CBR4: variants seen among roughly 807,000 people sequenced by gnomAD.
The protein encoded by CBR4 is 3-oxoacyl-[acyl-carrier-protein] reductase.
CBR4 carries 22 observed loss-of-function variants against 21.0 expected under a neutral mutation model. The ratio of observed to expected loss-of-function variants is 1.05; its 90% CI spans 0.75 to 1.50. The LOEUF is 1.50. CBR4 is among the 40% of genes most tolerant of loss of function. The pLI, the probability that CBR4 is intolerant of heterozygous loss-of-function variation, is 0.00. For missense variants in CBR4, 302 were observed against 286.3 expected, an observed-to-expected ratio of 1.05 and a Z score of -0.40; for synonymous variants, 100 against 104.4, an observed-to-expected ratio of 0.96 and a Z score of 0.26.
chr4:168,914,601 T>TG (rs1759723767), intron 2 of CBR4, among the ~76,000 whole-genome samples: 2 of 151,920 alleles, frequency 1.3e-5, no homozygotes, highest in African/African-American at 4.9e-5. Context: ...GATGGAACAA[T>TG]GGTAGGCAGA....
rs1231680619 is a variant in CBR4, at chr4:169,009,985, G to C, written c.105C>G (p.Asn35Lys). 1 of 1,613,334 alleles carries C rather than the reference G, an allele frequency of 6.2e-7. No individual in the cohort carries two copies. Among genetic ancestry groups the C allele is most frequent in the African/African-American group, 1.3e-5 (1 of 75,032 alleles). The change falls in exon 1 of 5, where the codon AAC (asparagine) becomes AAG (lysine). Residue 35 changes from asparagine (N) to lysine (K), a missense_variant. Physicochemically the swap from Asn to Lys is moderately conservative, Grantham distance 94. Coordinates refer to ENST00000306193, the MANE Select transcript of CBR4 (RefSeq NM_032783.5). ...CGGCGGCGGCTTTGGCCCCTTCCAG[G>C]TTTCTGGCAATGACCGCCAGTCGGT... is the stretch of plus-strand genomic sequence containing the variant. ...KGYRLAVIAR[N>K]LEGAKAAAGD...
intron 2 of CBR4, among the ~76,000 whole-genome samples, chr4:168,944,808 T>C (rs549637420): frequency 6.6e-6 from 1 of 152,158 alleles, no homozygotes; most frequent in Admixed American, 6.5e-5. Flanking sequence ...TTTATATTCC[T>C]ATGTGGTCTA....
At chr4:168,972,097 A>C (rs533290356) in intron 2 of CBR4, among the ~76,000 whole-genome samples, 1 of 152,268 alleles carries the variant, frequency 6.6e-6, no homozygotes, top group South Asian at 2.1e-4. Context: ...TCAGTTGGCT[A>C]TTAAGTATCT....
At position 168,988,345 on chromosome 4, in the gene CBR4, A is replaced by C. The variant is rs2126799784; in HGVS notation, c.*1805T>G. ...ATAAAAACATACACTTAAAGGCTAAACCTATCTATAACCTACATCTTAATG... is the reference window on the plus strand; with the variant it reads ...ATAAAAACATACACTTAAAGGCTAACCCTATCTATAACCTACATCTTAATG... On this transcript the variant is annotated 3_prime_UTR_variant, in exon 5 of 5. Coordinates refer to ENST00000306193, the MANE Select transcript of CBR4 (RefSeq NM_032783.5). 1 of 985,364 alleles carries C rather than the reference A, an allele frequency of 1.0e-6. No individual in the cohort carries two copies. Among genetic ancestry groups the C allele is most frequent in the South Asian group, 4.7e-5 (1 of 21,290 alleles). The allele number at this position is 985,364 out of a possible 1,614,324, so 61.0% of individuals were successfully genotyped here.
chr4:168,898,018 GTACCATTTTTTCTAT>G (rs1231001352), intron 2 of CBR4: 1 of 150,510 alleles, frequency 6.6e-6, no homozygotes, highest in African/African-American at 2.5e-5. Context: ...ATTTTTTCTA[GTACCATTTTTTCTAT>G]TATTCTTTTA....
At chr4:168,919,730 A>AT (rs921111735) in intron 2 of CBR4, among the ~76,000 whole-genome samples, 2 of 152,186 alleles carry the variant, frequency 1.3e-5, no homozygotes, top group African/African-American at 4.8e-5. Flanking sequence ...AACTGGTACT[A>AT]AATTTTCAGG....
intron 4 of CBR4, among the ~76,000 whole-genome samples, chr4:168,994,142 T>C (rs545453039): frequency 7.9e-4 from 121 of 152,214 alleles, no homozygotes; most frequent in Non-Finnish European, 1.5e-3. Flanking sequence ...AAGCCAGTGA[T>C]AAGCATTCTT....
At chr4:168,928,033 G>C (rs555919546) in intron 2 of CBR4, 14 of 195,566 alleles carry the variant, frequency 7.2e-5, no homozygotes, top group Admixed American at 6.1e-4. Flanking sequence ...CACATGTACA[G>C]CTTTCTACTT....
intron 2 of CBR4, among the ~76,000 whole-genome samples, chr4:168,950,943 C>T (rs993105801): frequency 2.6e-5 from 4 of 152,134 alleles, no homozygotes; most frequent in Non-Finnish European, 5.9e-5. Flanking sequence ...GCATGAAATG[C>T]CTTTTTCCCC....
chr4:168,924,536 T>C, intron 2 of CBR4: 6 of 1,074,426 alleles, frequency 5.6e-6, no homozygotes, highest in East Asian at 2.5e-5. Context: ...ATGTTTTGAT[T>C]TTTGATGAAA....
At chr4:168,997,038 G>T (rs1765239417) in intron 4 of CBR4, among the ~76,000 whole-genome samples, 2 of 152,014 alleles carry the variant, frequency 1.3e-5, no homozygotes, top group African/African-American at 2.4e-5. Flanking sequence ...TGGCCCCAAA[G>T]GACTCTCCCC....
intron 2 of CBR4, among the ~76,000 whole-genome samples, chr4:168,981,900 G>A (rs1391223374): frequency 1.3e-5 from 2 of 152,120 alleles, no homozygotes; most frequent in Admixed American, 6.5e-5. Flanking sequence ...CCTTACAAGA[G>A]GTCCATAAGA....
At chr4:168,956,117 A>G (rs1273920840) in intron 2 of CBR4, among the ~76,000 whole-genome samples, 2 of 152,242 alleles carry the variant, frequency 1.3e-5, no homozygotes, top group Non-Finnish European at 2.9e-5. Context: ...ACAAACCAGA[A>G]ATCATACTGC....
intron 2 of CBR4, chr4:168,903,959 T>G: frequency 6.7e-7 from 1 of 1,485,130 alleles, no homozygotes; most frequent in Non-Finnish European, 9.4e-7. Context: ...CTTACAGGCA[T>G]TTGATTAGAC....
At chr4:168,924,918 C>T (rs753025711) in intron 2 of CBR4, 1 of 1,613,692 alleles carries the variant, frequency 6.2e-7, no homozygotes, top group Non-Finnish European at 8.5e-7. Context: ...AAATTTAGAA[C>T]CCTAATGACT....
chr4:168,896,527 A>C (rs1560876477), intron 2 of CBR4: 1 of 1,381,060 alleles, frequency 7.2e-7, no homozygotes. Flanking sequence ...TAGTCTTCAC[A>C]TCTTTTTTTC....
chr4:168,983,701 C>T (rs1202050233), downstream of CBR4, among the ~76,000 whole-genome samples: 6 of 151,888 alleles, frequency 4.0e-5, no homozygotes, highest in African/African-American at 1.5e-4. Flanking sequence ...CATGAAAAAG[C>T]TAATCCACCA....
intron 2 of CBR4, among the ~76,000 whole-genome samples, chr4:168,956,339 C>T (rs1228546451): frequency 1.3e-5 from 2 of 151,986 alleles, no homozygotes; most frequent in African/African-American, 4.8e-5. Flanking sequence ...GGTGCAGTGG[C>T]TCACACCTGT....
Position 168,973,842 on chromosome 4 carries a change from A to G in CBR4, n.169+28229T>C, listed in dbSNP as rs1282313723. Among the ~76,000 whole-genome samples the G allele has an allele frequency of 2.0e-5, 3 of 152,196 alleles. No homozygotes were observed. The East Asian group carries it at 5.8e-4, about 29-fold the overall frequency. On this transcript the variant is annotated intron_variant and non_coding_transcript_variant, in intron 2 of 3. Coordinates refer to the CBR4 transcript ENST00000509108. Reference sequence around the variant, plus strand: ...CTAGTTTGTGTGCATAAAGGTGTTCATAGTAGTCTTGAATGATCTTTATCC... The same window carrying G: ...CTAGTTTGTGTGCATAAAGGTGTTCGTAGTAGTCTTGAATGATCTTTATCC...
Sources: allele counts gnomAD v4.1 joint callset (sites outside exome capture counted in the v4.1 genomes callset), GRCh38; gene constraint gnomAD v4.1.1; transcripts MANE v1.5; gene names NCBI Gene and HGNC (gene_info 2026-07-23, HGNC 2026-07-21).